Variants in GRM5 observed in about 807,000 individuals in gnomAD.
GRM5 encodes glutamate metabotropic receptor 5.
GRM5 carries 19 observed loss-of-function variants against 83.1 expected under a neutral mutation model. The observed-to-expected ratio is 0.23, with a 90% CI of 0.16 to 0.34. The LOEUF is 0.34. Among genes scored for constraint, GRM5 ranks in the 10% least tolerant of loss-of-function variants. The pLI is 1.00. For missense variants in GRM5, 1,160 were observed against 1,588.3 expected (o/e 0.73, Z 4.58); for synonymous variants, 675 against 633.6 (o/e 1.07, Z -0.98).
At chr11:88,730,267 A>G (rs1159353655) in intron 3 of GRM5, among the ~76,000 whole-genome samples, 1 of 152,144 alleles carries the variant, frequency 6.6e-6, no homozygotes, top group Admixed American at 6.6e-5. Flanking sequence ...ACAAACATAT[A>G]AAAAAAGCTC....
intron 3 of GRM5, among the ~76,000 whole-genome samples, chr11:88,846,490 T>C (rs1944305803): frequency 1.3e-5 from 2 of 152,182 alleles, no homozygotes; most frequent in South Asian, 2.1e-4. Context: ...TAACATTCTA[T>C]TGATGTGCAG....
intron 3 of GRM5, among the ~76,000 whole-genome samples, chr11:88,720,969 T>C (rs1461143535): frequency 6.6e-6 from 1 of 152,068 alleles, no homozygotes; most frequent in Admixed American, 6.6e-5. Context: ...CAGTGGTTAA[T>C]GTGGGATAGC....
At chr11:88,580,083 C>T (rs1169306678) in intron 7 of GRM5, among the ~76,000 whole-genome samples, 1 of 151,982 alleles carries the variant, frequency 6.6e-6, no homozygotes. Flanking sequence ...ATTGGTCTTA[C>T]CTAATGAAAG....
At chr11:88,951,076 A>AGTGT (rs10588925) in intron 2 of GRM5, among the ~76,000 whole-genome samples, 1 of 151,184 alleles carries the variant, frequency 6.6e-6, no homozygotes, top group African/African-American at 2.4e-5. Context: ...GGCAGATTAG[A>AGTGT]GTGTGTGTGT....
chr11:89,015,509 TA>T (rs200404083), intron 2 of GRM5, among the ~76,000 whole-genome samples: 1 of 151,992 alleles, frequency 6.6e-6, no homozygotes, highest in Non-Finnish European at 1.5e-5. Context: ...TAGTCACTCA[TA>T]AAAAAAACTT....
chr11:88,606,472 C>T (rs962967588), intron 4 of GRM5, among the ~76,000 whole-genome samples: 19 of 152,216 alleles, frequency 1.2e-4, no homozygotes, highest in African/African-American at 2.9e-4. Flanking sequence ...GCCAAGATGG[C>T]GCCATTGCAC....
At position 88,993,138 on chromosome 11, in the gene GRM5, C is replaced by A. The variant is rs180946063; in HGVS notation, c.661+54074G>T. 9.2e-5 allele frequency among the ~76,000 whole-genome samples: 14 copies of A among 151,758 alleles called. No homozygotes were observed. In the East Asian group the frequency reaches 2.7e-3, roughly 29 times the overall value. Reference sequence around the variant, plus strand: ...AAAATTAGCTGGGCATCCTGGCGGGCGCCTGTAGTCCTAGCTCCTCCGTAG... The same window carrying A: ...AAAATTAGCTGGGCATCCTGGCGGGAGCCTGTAGTCCTAGCTCCTCCGTAG... On this transcript the variant is annotated intron_variant, in intron 2 of 9. Transcript: ENST00000305447.
rs200015912 is a variant in GRM5 at position 88,531,814 on chromosome 11, TA to T, written c.2631-6411del. On this transcript the variant is annotated intron_variant, in intron 8 of 9. Coordinates refer to ENST00000305447, the MANE Select transcript of GRM5 (RefSeq NM_001143831.3). ...TTCTTTCCAATAGATAAAATTGTCTTAAAAAATAATTTTCTTTCGCCACTTT... is the reference window on the plus strand; with the variant it reads ...TTCTTTCCAATAGATAAAATTGTCTTAAAAATAATTTTCTTTCGCCACTTT... 7.0e-3 allele frequency among the ~76,000 whole-genome samples: 1,061 copies of T among 152,222 alleles called. 15 individuals carry two copies. Among genetic ancestry groups the T allele is most frequent in the African/African-American group, 0.025 (1,020 of 41,548 alleles).
chr11:89,047,029 T>C lies in GRM5; in HGVS notation c.661+183A>G, dbSNP rs187402268. 1.6e-4 allele frequency among the ~76,000 whole-genome samples: 25 copies of C among 152,308 alleles called. No homozygotes were observed. In the East Asian group the frequency reaches 3.9e-3, roughly 23 times the overall value. ...CACCAAATATTGGCCACATACACCC[T>C]TCTGTAGTTTAAGTCTTTGTCTCTC... is the stretch of plus-strand genomic sequence containing the variant. On this transcript the variant is annotated intron_variant, in intron 2 of 9. Transcript: ENST00000305447. The surrounding 1 kb of genome is among the most constrained non-coding windows in gnomAD (Gnocchi z 5.1).
intron 2 of GRM5, among the ~76,000 whole-genome samples, chr11:89,043,213 T>A (rs1280706742): frequency 6.6e-6 from 1 of 152,184 alleles, no homozygotes; most frequent in Non-Finnish European, 1.5e-5. Context: ...TGAGCACATA[T>A]TATATGATGG....
intron 3 of GRM5, among the ~76,000 whole-genome samples, chr11:88,755,774 G>A (rs1942382916): frequency 6.6e-6 from 1 of 152,050 alleles, no homozygotes; most frequent in African/African-American, 2.4e-5. Flanking sequence ...TTTAGAAGCT[G>A]CCCTTGAGAA....
intron 1 of GRM5, among the ~76,000 whole-genome samples, chr11:89,056,423 G>T (rs1213698802): frequency 6.6e-6 from 1 of 152,060 alleles, no homozygotes; most frequent in African/African-American, 2.4e-5. Flanking sequence ...TTTAACAAGT[G>T]TCTAGTAAAA....
chr11:88,958,188 C>T (rs950083723), intron 2 of GRM5, among the ~76,000 whole-genome samples: 6 of 151,508 alleles, frequency 4.0e-5, no homozygotes, highest in African/African-American at 1.5e-4. Context: ...TTTCCCCCTC[C>T]CTTCCTGATG....
intron 1 of GRM5, among the ~76,000 whole-genome samples, chr11:89,063,070 G>C (rs1591088938): frequency 6.6e-6 from 1 of 152,248 alleles, no homozygotes. Flanking sequence ...GCCACGAAGC[G>C]GCCCCTAACA....
intron 3 of GRM5, among the ~76,000 whole-genome samples, chr11:88,720,796 CTGTGTGTGTGTGTGTGTGTGTGTGCG>C (rs891860152): frequency 3.7e-4 from 52 of 141,778 alleles, no homozygotes; most frequent in African/African-American, 1.3e-3. Flanking sequence ...AATCATTACT[CTGTGTGTGTGTGTGTGTGTGTGTGCG>C]TGTGTGTGTG....
At chr11:88,635,370 G>T (rs112057483) in intron 4 of GRM5, among the ~76,000 whole-genome samples, 3 of 152,080 alleles carry the variant, frequency 2.0e-5, no homozygotes, top group African/African-American at 7.2e-5. Flanking sequence ...CATTCTAACA[G>T]GTGTGAGATG....
At chr11:88,957,021 GTAA>G in intron 2 of GRM5, among the ~76,000 whole-genome samples, 2 of 152,276 alleles carry the variant, frequency 1.3e-5, no homozygotes, top group South Asian at 4.1e-4. Flanking sequence ...GTAATTATCA[GTAA>G]TAATAATTGC....
intron 8 of GRM5, among the ~76,000 whole-genome samples, chr11:88,558,179 G>A (rs1942669719): frequency 6.6e-6 from 1 of 152,120 alleles, no homozygotes; most frequent in Non-Finnish European, 1.5e-5. Context: ...GAACCAAGGT[G>A]GGAAGCATAA....
chr11:88,869,053 G>T (rs1045669317), intron 2 of GRM5, among the ~76,000 whole-genome samples: 4 of 151,672 alleles, frequency 2.6e-5, no homozygotes, highest in Non-Finnish European at 5.9e-5. Flanking sequence ...ATACCAGAAT[G>T]TAAAAACCAC....
Sources: gnomAD v4.1 joint callset for allele counts (sites outside exome capture counted in the v4.1 genomes callset) on GRCh38, gnomAD v4.1.1 for gene constraint, Gnocchi (gnomAD v3.1) non-coding constraint, MANE v1.5 for transcripts, NCBI Gene and HGNC (gene_info 2026-07-23, HGNC 2026-07-21) for gene names.